Variants in RBFOX3 observed in about 807,000 individuals in gnomAD.
RBFOX3 encodes RNA binding fox-1 homolog 3.
RBFOX3 carries 17 observed loss-of-function variants against 48.7 expected under a neutral mutation model. That is an observed-to-expected ratio of 0.35 (90% CI 0.24 to 0.52). RBFOX3 has a LOEUF of 0.52. Among genes scored for constraint, RBFOX3 ranks in the 20% least tolerant of loss-of-function variants. The pLI is 0.94. For synonymous variants in RBFOX3, 212 were observed against 209.5 expected (o/e 1.01, Z -0.10); for missense variants, 382 against 497.5 (o/e 0.77, Z 2.21).
At chr17:79,377,275 A>T (rs1419715949) in intron 2 of RBFOX3, among the ~76,000 whole-genome samples, 1 of 152,102 alleles carries the variant, frequency 6.6e-6, no homozygotes, top group Non-Finnish European at 1.5e-5. Flanking sequence ...ATACAGACAT[A>T]ATTACACAGA....
rs2056317553 is a variant in RBFOX3 at position 79,199,202 on chromosome 17, G to GC, written c.-34+36563dup. Reference sequence around the variant, plus strand: ...AGGCAGACTCTGGCTGGCTCACTCTGCCTTCTGAGAATGTAAAGGGCCTTT... The same window carrying GC: ...AGGCAGACTCTGGCTGGCTCACTCTGCCCTTCTGAGAATGTAAAGGGCCTTT... On this transcript the variant is annotated intron_variant, in intron 4 of 14. Transcript: ENST00000693108. The surrounding 1 kb of genome is among the most constrained non-coding windows in gnomAD (Gnocchi z 5.1). 6.6e-6 allele frequency among the ~76,000 whole-genome samples: 1 copy of GC among 152,114 alleles called. No homozygotes were observed. Among genetic ancestry groups the GC allele is most frequent in the Non-Finnish European group, 1.5e-5 (1 of 68,016 alleles).
At chr17:79,269,358 C>T (rs772178293) in intron 3 of RBFOX3, among the ~76,000 whole-genome samples, 22 of 152,156 alleles carry the variant, frequency 1.4e-4, no homozygotes, top group South Asian at 6.2e-4. Context: ...TAGTTTATTA[C>T]GGTGGCCCCA....
chr17:79,454,890 G>A (rs1555743795), intron 2 of RBFOX3, among the ~76,000 whole-genome samples: 1 of 152,204 alleles, frequency 6.6e-6, no homozygotes, highest in Non-Finnish European at 1.5e-5. Context: ...AAGGCCTGGG[G>A]TTTGGGGGCC....
intron 1 of RBFOX3, among the ~76,000 whole-genome samples, chr17:79,546,618 T>C (rs1234512042): frequency 1.3e-5 from 2 of 150,712 alleles, no homozygotes; most frequent in Non-Finnish European, 2.9e-5. Flanking sequence ...CATGGCTTGG[T>C]TCCCTCCCAT....
At chr17:79,598,523 G>C (rs941464748) in intron 1 of RBFOX3, 2 of 152,114 alleles carry the variant, frequency 1.3e-5, no homozygotes, top group African/African-American at 4.8e-5. Context: ...CAGCATCTCC[G>C]AAGTGCAATG....
chr17:79,619,092 A>G, the RBFOX3 span, among the ~76,000 whole-genome samples: 1 of 152,226 alleles, frequency 6.6e-6, no homozygotes, highest in African/African-American at 2.4e-5. Flanking sequence ...ATACTTTTCA[A>G]AGGAAGAGGC....
the RBFOX3 span, among the ~76,000 whole-genome samples, chr17:79,655,218 A>G: frequency 6.6e-6 from 1 of 152,174 alleles, no homozygotes; most frequent in African/African-American, 2.4e-5. Context: ...AAGAGGGCAC[A>G]GGTCTGACCT....
chr17:79,620,649 GGA>G, the RBFOX3 span, among the ~76,000 whole-genome samples: 131,671 of 146,778 alleles, frequency 0.9, 60,545 homozygotes, highest in Non-Finnish European at 0.99. Flanking sequence ...GCACACACAC[GGA>G]CATGCACACA....
rs1211541718 is a variant in RBFOX3 at position 79,214,834 on chromosome 17, G to A, written c.-34+20932C>T. Among the ~76,000 whole-genome samples the A allele has an allele frequency of 6.6e-6, 1 of 152,074 alleles. No individual in the cohort carries two copies. The highest frequency in any genetic ancestry group is 1.5e-5 in the Non-Finnish European group (1 of 67,990). On this transcript the variant is annotated intron_variant, in intron 4 of 14. Coordinates refer to ENST00000693108, the MANE Select transcript of RBFOX3 (RefSeq NM_001350451.2). The surrounding 1 kb of genome is among the most constrained non-coding windows in gnomAD (Gnocchi z 4.7). The stretch of plus-strand genomic sequence containing the variant: ...GTTTAAACAGCTTCTATTACTCCAG[G>A]GCAAACTTTAAAAAACATAATATTT...
At chr17:79,383,541 C>T (rs1022172677) in intron 2 of RBFOX3, among the ~76,000 whole-genome samples, 4 of 152,248 alleles carry the variant, frequency 2.6e-5, no homozygotes, top group African/African-American at 4.8e-5. Context: ...TGAAGGAACA[C>T]GCATCCCTGG....
intron 2 of RBFOX3, among the ~76,000 whole-genome samples, chr17:79,470,609 A>G (rs1431390800): frequency 6.6e-6 from 1 of 152,166 alleles, no homozygotes; most frequent in African/African-American, 2.4e-5. Context: ...TCAGCCCCCA[A>G]GGGTGTGCAG....
intron 1 of RBFOX3, among the ~76,000 whole-genome samples, chr17:79,530,016 G>A (rs1456455903): frequency 6.6e-6 from 1 of 152,198 alleles, no homozygotes; most frequent in African/African-American, 2.4e-5. Flanking sequence ...GCCCTTGACA[G>A]AAGAAGTTCG....
At chr17:79,501,680 T>C (rs1239999858) in intron 1 of RBFOX3, among the ~76,000 whole-genome samples, 2 of 152,228 alleles carry the variant, frequency 1.3e-5, no homozygotes, top group African/African-American at 4.8e-5. Context: ...CATTATTGAT[T>C]TGCATTCCAT....
chr17:79,574,470 G>A lies in RBFOX3; in HGVS notation c.-320+36356C>T, dbSNP rs958020102. ...GTAATTATAATGGATTAGCTGCTAA[G>A]AGACACCCCCGCCAGCACCATGACA... is the stretch of plus-strand genomic sequence containing the variant. On this transcript the variant is annotated intron_variant, in intron 1 of 14. Transcript: ENST00000693108. 4.5e-3 allele frequency among the ~76,000 whole-genome samples: 680 copies of A among 152,284 alleles called. 4 individuals carry two copies. Among genetic ancestry groups the A allele is most frequent in the African/African-American group, 0.015 (641 of 41,560 alleles).
At chr17:79,169,063 C>T (rs1270811644) in intron 4 of RBFOX3, among the ~76,000 whole-genome samples, 2 of 152,238 alleles carry the variant, frequency 1.3e-5, no homozygotes, top group Admixed American at 6.5e-5. Context: ...CAAACAGCCC[C>T]CTGGCCCTGC....
chr17:79,544,617 G>GC (rs2090148229), intron 1 of RBFOX3, among the ~76,000 whole-genome samples: 1 of 151,680 alleles, frequency 6.6e-6, no homozygotes, highest in Non-Finnish European at 1.5e-5. Context: ...CCATCCACCT[G>GC]CCCCACCACA....
intron 1 of RBFOX3, among the ~76,000 whole-genome samples, chr17:79,513,296 G>A (rs956681534): frequency 1.4e-4 from 21 of 151,688 alleles, no homozygotes; most frequent in Middle Eastern, 3.5e-3. Flanking sequence ...CATTGGGCAC[G>A]GTCCCATGGC....
At chr17:79,475,672 G>C (rs1476885877) in intron 2 of RBFOX3, among the ~76,000 whole-genome samples, 1 of 152,192 alleles carries the variant, frequency 6.6e-6, no homozygotes, top group Non-Finnish European at 1.5e-5. Context: ...ATGCATGCGT[G>C]CACACATGTA....
At position 79,198,628 on chromosome 17, in the gene RBFOX3, CTCT is replaced by C. The variant is rs894489611; in HGVS notation, c.-34+37135_-34+37137del. On this transcript the variant is annotated intron_variant, in intron 4 of 14. Coordinates refer to ENST00000693108, the MANE Select transcript of RBFOX3 (RefSeq NM_001350451.2). The surrounding 1 kb of genome is among the most constrained non-coding windows in gnomAD (Gnocchi z 8.2). ...CTCCCTGCTTTTGAACTTTCTCTCTCTCTTTTTTTTTTTTTAAGATGGAGTCTT... is the reference window on the plus strand; with the variant it reads ...CTCCCTGCTTTTGAACTTTCTCTCTCTTTTTTTTTTTTAAGATGGAGTCTT... Among the ~76,000 whole-genome samples the C allele has an allele frequency of 1.5e-4, 5 of 32,278 alleles. No homozygotes were observed. The highest frequency in any genetic ancestry group is 2.7e-3 in the South Asian group (1 of 370). 21.2% of individuals were successfully genotyped at this position (32,278 alleles called of 152,430 possible).
Sources: allele counts gnomAD v4.1 joint callset (sites outside exome capture counted in the v4.1 genomes callset), GRCh38; gene constraint gnomAD v4.1.1; non-coding constraint Gnocchi (gnomAD v3.1); transcripts MANE v1.5; gene names NCBI Gene and HGNC (gene_info 2026-07-23, HGNC 2026-07-21).